Variants in PRKCB observed in about 807,000 individuals in gnomAD.
PRKCB encodes protein kinase C beta, also known as protein kinase C beta type.
A neutral mutation model predicts 81.5 loss-of-function variants in PRKCB; 13 were observed. That is an observed-to-expected ratio of 0.16 (90% CI 0.10 to 0.25). PRKCB has a LOEUF of 0.25. Ranked by LOEUF, PRKCB falls within the 10% of genes least tolerant of loss-of-function variation. The probability of loss-of-function intolerance (pLI) is 1.00; values close to 1 mark genes in which losing one functional copy is unlikely to be tolerated. For missense variants in PRKCB, 509 were observed against 875.7 expected (o/e 0.58, Z 5.29); for synonymous variants, 335 against 321.4 (o/e 1.04, Z -0.45).
intron 3 of PRKCB, among the ~76,000 whole-genome samples, chr16:24,007,151 C>T (rs1208519119): frequency 6.6e-6 from 1 of 152,198 alleles, no homozygotes; most frequent in Admixed American, 6.5e-5. Context: ...GCTTCAGTTT[C>T]CTCATCTATA....
intron 2 of PRKCB, among the ~76,000 whole-genome samples, chr16:23,875,705 C>T (rs940546228): frequency 3.0e-5 from 3 of 99,476 alleles, no homozygotes; most frequent in South Asian, 4.2e-4. Context: ...GTATATCACA[C>T]ATATATATGT....
At chr16:23,925,583 C>T (rs1963885607) in intron 2 of PRKCB, among the ~76,000 whole-genome samples, 1 of 152,078 alleles carries the variant, frequency 6.6e-6, no homozygotes, top group African/African-American at 2.4e-5. Context: ...TGTCTGAGGT[C>T]ATCCTGTCTC....
intron 2 of PRKCB, among the ~76,000 whole-genome samples, chr16:23,919,432 A>G (rs529887796): frequency 1.4e-4 from 21 of 152,010 alleles, no homozygotes; most frequent in Admixed American, 5.9e-4. Flanking sequence ...TGACAAAAAT[A>G]CCGGATAGGG....
intron 2 of PRKCB, among the ~76,000 whole-genome samples, chr16:23,950,491 G>A (rs918924999): frequency 1.3e-5 from 2 of 152,216 alleles, no homozygotes; most frequent in African/African-American, 2.4e-5. Context: ...ACAGACCTAA[G>A]TTCAAACCCC....
chr16:24,102,358 G>C (rs561462559), intron 7 of PRKCB, among the ~76,000 whole-genome samples: 2 of 152,196 alleles, frequency 1.3e-5, no homozygotes, highest in African/African-American at 4.8e-5. Context: ...AGACATTTGC[G>C]ATGCTGTCTT....
chr16:23,962,550 C>G (rs1330249147), intron 2 of PRKCB, among the ~76,000 whole-genome samples: 1 of 152,200 alleles, frequency 6.6e-6, no homozygotes, highest in Non-Finnish European at 1.5e-5. Context: ...GTTAGATGCT[C>G]TTTCCCTGAG....
intron 3 of PRKCB, among the ~76,000 whole-genome samples, chr16:24,024,725 C>T (rs1965453296): frequency 6.6e-6 from 1 of 152,204 alleles, no homozygotes; most frequent in Non-Finnish European, 1.5e-5. Context: ...AGCCAAGTGT[C>T]CACCTCTGCC....
intron 2 of PRKCB, among the ~76,000 whole-genome samples, chr16:23,930,339 T>A (rs1049861745): frequency 2.0e-5 from 3 of 152,000 alleles, no homozygotes; most frequent in African/African-American, 7.2e-5. Flanking sequence ...GAGGCCAAGG[T>A]GGGCAGATCA....
chr16:23,884,859 G>A (rs1409730340), intron 2 of PRKCB, among the ~76,000 whole-genome samples: 1 of 151,776 alleles, frequency 6.6e-6, no homozygotes, highest in Non-Finnish European at 1.5e-5. Flanking sequence ...CTTTTCTTTT[G>A]TGGCATTCTA....
intron 3 of PRKCB, among the ~76,000 whole-genome samples, chr16:23,999,560 A>G (rs1314800723): frequency 1.3e-5 from 2 of 152,196 alleles, no homozygotes; most frequent in Non-Finnish European, 2.9e-5. Context: ...GGCAGAGTTC[A>G]TGGATGATGC....
At chr16:24,185,405 T>A (rs1567405636) in intron 14 of PRKCB, 55 bp from the exon 15 acceptor site, 1 of 1,512,996 alleles carries the variant, frequency 6.6e-7, no homozygotes, top group Non-Finnish European at 9.2e-7. Flanking sequence ...TGAGGGGAGC[T>A]AGGGGGAGGG....
chr16:23,836,239 C>A lies in PRKCB; in HGVS notation c.64C>A (p.Arg22Ser). ...EGEESTVRFA[R>S]KGALRQKNVH... ...CGAGGAGAGCACCGTGCGCTTCGCCCGCAAAGGCGCCCTCCGGCAGAAGAA... is the reference window on the plus strand; with the variant it reads ...CGAGGAGAGCACCGTGCGCTTCGCCAGCAAAGGCGCCCTCCGGCAGAAGAA... Residue 22 changes from arginine to serine, a missense_variant, in exon 1 of 17, where the codon CGC becomes AGC. Arg to Ser is a moderately radical substitution (Grantham distance 110). This residue lies in a region of PRKCB where 184 missense variants were observed against 362.9 expected (regional missense o/e 0.51). Coordinates refer to ENST00000643927, the MANE Select transcript of PRKCB (RefSeq NM_002738.7). 1 of 1,600,562 alleles carries A rather than the reference C, an allele frequency of 6.2e-7. No homozygotes were observed. The highest frequency in any genetic ancestry group is 8.5e-7 in the Non-Finnish European group (1 of 1,174,014).
chr16:24,125,621 T>G (rs1966842120), intron 9 of PRKCB, among the ~76,000 whole-genome samples: 1 of 152,224 alleles, frequency 6.6e-6, no homozygotes, highest in Admixed American at 6.5e-5. Context: ...TTTTCTTGTG[T>G]CCTTGTTGAT....
At chr16:24,098,842 G>A (rs1240582891) in intron 7 of PRKCB, 2 of 152,156 alleles carry the variant, frequency 1.3e-5, no homozygotes, top group South Asian at 2.1e-4. Flanking sequence ...ATTACTGTGA[G>A]GAAAGAAATA....
intron 3 of PRKCB, among the ~76,000 whole-genome samples, chr16:23,993,089 C>G (rs548184412): frequency 6.6e-6 from 1 of 152,150 alleles, no homozygotes; most frequent in Non-Finnish European, 1.5e-5. Context: ...ATCCCACCAC[C>G]CCTTCAAGTC....
intron 16 of PRKCB, among the ~76,000 whole-genome samples, chr16:24,210,909 T>C (rs1337924074): frequency 6.6e-6 from 1 of 152,226 alleles, no homozygotes; most frequent in Non-Finnish European, 1.5e-5. Flanking sequence ...AAAATGTAAG[T>C]TCCATGAAGC....
At chr16:24,014,795 T>TTTTA (rs1965254799) in intron 3 of PRKCB, among the ~76,000 whole-genome samples, 1 of 152,160 alleles carries the variant, frequency 6.6e-6, no homozygotes, top group African/African-American at 2.4e-5. Flanking sequence ...TATTATTTCC[T>TTTTA]TTTATTTATT....
intron 10 of PRKCB, among the ~76,000 whole-genome samples, chr16:24,156,287 T>G (rs141462678): frequency 6.6e-6 from 1 of 152,068 alleles, no homozygotes; most frequent in Non-Finnish European, 1.5e-5. Flanking sequence ...GTTGGCTTTT[T>G]TTTTTCTAAA....
intron 2 of PRKCB, among the ~76,000 whole-genome samples, chr16:23,985,218 G>A (rs1341988678): frequency 6.6e-6 from 1 of 151,964 alleles, no homozygotes. Flanking sequence ...AGCCTTCCAA[G>A]TACCTGGGAC....
Sources: allele counts gnomAD v4.1 joint callset (sites outside exome capture counted in the v4.1 genomes callset), GRCh38; gene constraint gnomAD v4.1.1; regional missense constraint gnomAD v4.1.1; transcripts MANE v1.5; gene names NCBI Gene and HGNC (gene_info 2026-07-23, HGNC 2026-07-21).